The following PTPRM variants were observed in gnomAD, a reference collection of about 807,000 sequenced individuals.
The protein encoded by PTPRM is protein tyrosine phosphatase receptor type M.
PTPRM carries 47 observed loss-of-function variants against 186.7 expected under a neutral mutation model. The ratio of observed to expected loss-of-function variants is 0.25; its 90% CI spans 0.20 to 0.32. PTPRM has a LOEUF of 0.32. Ranked by LOEUF, PTPRM falls within the 10% of genes least tolerant of loss-of-function variation. The pLI, the probability that PTPRM is intolerant of heterozygous loss-of-function variation, is 1.00. For missense variants in PTPRM, 1,494 were observed against 1,865.0 expected (o/e 0.80, Z 3.66); for synonymous variants, 668 against 674.9 (o/e 0.99, Z 0.16).
At chr18:8,110,508 A>T (rs968954742) in intron 11 of PTPRM, among the ~76,000 whole-genome samples, 1 of 152,170 alleles carries the variant, frequency 6.6e-6, no homozygotes, top group African/African-American at 2.4e-5. Context: ...ATCTTGGGAC[A>T]TGGAAAGTCT....
At position 7,803,785 on chromosome 18, in the gene PTPRM, T is replaced by C. The variant is rs189315578; in HGVS notation, c.196+29514T>C. Among the ~76,000 whole-genome samples, 16 of 152,270 alleles carry C rather than the reference T, an allele frequency of 1.1e-4. No homozygotes were observed. The East Asian group carries it at 1.9e-3, about 18-fold the overall frequency. ...TAGATTTGAGTTATTGAAAACTTCC[T>C]CTACCTGCATTTGGAGGCTCTTCAC... is the stretch of plus-strand genomic sequence containing the variant. On this transcript the variant is annotated intron_variant, in intron 2 of 32. Transcript: ENST00000580170.
At chr18:8,178,614 T>A (rs1303354716) in intron 14 of PTPRM, among the ~76,000 whole-genome samples, 2 of 151,790 alleles carry the variant, frequency 1.3e-5, no homozygotes, top group African/African-American at 2.4e-5. Context: ...TGAAACCTCG[T>A]CTCTACTAAA....
intron 4 of PTPRM, 46 bp downstream of exon 4, chr18:7,906,629 ATGTTTACAT>A (rs1251439259): frequency 2.6e-5 from 37 of 1,409,314 alleles, no homozygotes; most frequent in Non-Finnish European, 2.0e-6. Context: ...CATTGGGGGC[ATGTTTACAT>A]TATGAATGAA....
At chr18:7,954,754 A>G (rs534087069) in intron 6 of PTPRM, among the ~76,000 whole-genome samples, 1 of 152,208 alleles carries the variant, frequency 6.6e-6, no homozygotes. Flanking sequence ...TATTGTAATT[A>G]GTATCCTAAA....
At chr18:8,021,405 A>G (rs1568198687) in intron 7 of PTPRM, among the ~76,000 whole-genome samples, 1 of 151,674 alleles carries the variant, frequency 6.6e-6, no homozygotes, top group Non-Finnish European at 1.5e-5. Context: ...CAGAGTGTGC[A>G]AGTATGTTAC....
intron 14 of PTPRM, among the ~76,000 whole-genome samples, chr18:8,186,344 AAG>A (rs1381871388): frequency 2.6e-5 from 4 of 151,554 alleles, no homozygotes; most frequent in African/African-American, 4.9e-5. Context: ...AAAAAAAAAA[AAG>A]AATGAAAAGT....
chr18:7,804,637 A>C (rs1246362463), intron 2 of PTPRM, among the ~76,000 whole-genome samples: 2 of 152,216 alleles, frequency 1.3e-5, no homozygotes, highest in Non-Finnish European at 2.9e-5. Flanking sequence ...TGTTCTGTCA[A>C]ATTTTCATTT....
chr18:8,289,502 A>ATG (rs541503882), intron 19 of PTPRM, among the ~76,000 whole-genome samples: 5 of 126,100 alleles, frequency 4.0e-5, no homozygotes, highest in Non-Finnish European at 6.7e-5. Flanking sequence ...ATATGTATAT[A>ATG]TGTGTGTGTA....
At chr18:8,356,081 A>G (rs2095561828) in intron 23 of PTPRM, among the ~76,000 whole-genome samples, 1 of 152,248 alleles carries the variant, frequency 6.6e-6, no homozygotes, top group Admixed American at 6.5e-5. Context: ...GGAAGGATGA[A>G]TGGATGAAAT....
chr18:7,942,468 G>T (rs901697405), intron 5 of PTPRM, among the ~76,000 whole-genome samples: 2 of 152,084 alleles, frequency 1.3e-5, no homozygotes, highest in African/African-American at 4.8e-5. Context: ...TGTTTGTTCA[G>T]ATTCTCTGTG....
intron 1 of PTPRM, among the ~76,000 whole-genome samples, chr18:7,634,006 AAC>A (rs887489135): frequency 3.9e-5 from 6 of 152,194 alleles, no homozygotes; most frequent in East Asian, 3.9e-4. Flanking sequence ...CACCTGGGAA[AAC>A]ACAGAATCTT....
At chr18:8,238,122 T>A (rs76787509) in intron 14 of PTPRM, among the ~76,000 whole-genome samples, 2,229 of 152,312 alleles carry the variant, frequency 0.015, 49 homozygotes, top group African/African-American at 0.05. Context: ...ATCCAAAATG[T>A]TTGGAAGATA....
At chr18:8,283,500 G>A (rs535545654) in intron 19 of PTPRM, among the ~76,000 whole-genome samples, 4 of 152,254 alleles carry the variant, frequency 2.6e-5, no homozygotes, top group African/African-American at 9.6e-5. Context: ...ACAAAATGAG[G>A]CAAGGATTTA....
chr18:7,794,428 C>T (rs1364144009), intron 2 of PTPRM, among the ~76,000 whole-genome samples: 1 of 152,068 alleles, frequency 6.6e-6, no homozygotes, highest in East Asian at 1.9e-4. Context: ...CTGTCATATA[C>T]CCTGGGAGGG....
intron 2 of PTPRM, among the ~76,000 whole-genome samples, chr18:7,789,896 T>G (rs2043257752): frequency 6.6e-6 from 1 of 152,256 alleles, no homozygotes; most frequent in Non-Finnish European, 1.5e-5. Context: ...GTGATTAGTA[T>G]GAGCATTCAC....
At chr18:7,631,706 G>T (rs1393462199) in intron 1 of PTPRM, among the ~76,000 whole-genome samples, 1 of 152,124 alleles carries the variant, frequency 6.6e-6, no homozygotes, top group East Asian at 1.9e-4. Flanking sequence ...TGTGGCCCAA[G>T]ACAATTATTC....
chr18:7,641,845 G>C (rs1215391648), intron 1 of PTPRM, among the ~76,000 whole-genome samples: 1 of 152,194 alleles, frequency 6.6e-6, no homozygotes, highest in Non-Finnish European at 1.5e-5. Flanking sequence ...TCTGTGAAGT[G>C]AGTACTATTG....
Position 8,369,919 on chromosome 18 carries a change from C to T in PTPRM, c.3055-971C>T, listed in dbSNP as rs56816650. ...GGGCTGCGATCACGCCACTGCACTC[C>T]AGCCTAGATGGCAGAGCAAGACCCT... On this transcript the variant is annotated intron_variant, in intron 23 of 32. Coordinates refer to ENST00000580170, the MANE Select transcript of PTPRM (RefSeq NM_001105244.2). 6.3e-3 allele frequency among the ~76,000 whole-genome samples: 966 copies of T among 152,232 alleles called. 14 individuals carry two copies. The highest frequency in any genetic ancestry group is 0.023 in the African/African-American group (936 of 41,538).
intron 1 of PTPRM, among the ~76,000 whole-genome samples, chr18:7,599,385 T>G (rs1002838272): frequency 6.6e-6 from 1 of 152,232 alleles, no homozygotes; most frequent in African/African-American, 2.4e-5. Flanking sequence ...TGAGAGTTCA[T>G]GCAGGTCTAA....
Sources: gnomAD v4.1 joint callset for allele counts (sites outside exome capture counted in the v4.1 genomes callset) on GRCh38, gnomAD v4.1.1 for gene constraint, MANE v1.5 for transcripts, NCBI Gene and HGNC (gene_info 2026-07-23, HGNC 2026-07-21) for gene names.